The following ASPH variants were observed in gnomAD, a reference collection of about 807,000 sequenced individuals.
The protein encoded by ASPH is aspartyl/asparaginyl beta-hydroxylase.
ASPH carries 100 observed loss-of-function variants against 118.4 expected under a neutral mutation model. That is an observed-to-expected ratio of 0.84 (90% CI 0.72 to 1.00). ASPH has a LOEUF of 1.00. Among genes scored for constraint, ASPH ranks in the 50% least tolerant of loss-of-function variants. The pLI is 0.00. For synonymous variants in ASPH, 315 were observed against 325.6 expected (o/e 0.97, Z 0.35); for missense variants, 920 against 919.5 (o/e 1.00, Z -0.01).
At chr8:61,666,383 T>C (rs1819625889) in intron 3 of ASPH, among the ~76,000 whole-genome samples, 1 of 152,186 alleles carries the variant, frequency 6.6e-6, no homozygotes, top group Admixed American at 6.5e-5. Flanking sequence ...AATAAAGCAG[T>C]TAGCAAAAGC....
At chr8:61,689,893 C>T (rs1832121748) in intron 1 of ASPH, 1 of 1,279,502 alleles carries the variant, frequency 7.8e-7, no homozygotes, top group Non-Finnish European at 9.9e-7. Flanking sequence ...TTTTTAGAGG[C>T]TAAATGCTGC....
chr8:61,597,192 T>A (rs1842721259), intron 14 of ASPH, among the ~76,000 whole-genome samples: 3 of 97,606 alleles, frequency 3.1e-5, no homozygotes, highest in African/African-American at 3.5e-5. Context: ...AATAATCCAG[T>A]CAGGAAAAAA....
chr8:61,690,814 A>G (rs1225649295), intron 1 of ASPH, among the ~76,000 whole-genome samples: 1 of 152,222 alleles, frequency 6.6e-6, no homozygotes, highest in Non-Finnish European at 1.5e-5. Flanking sequence ...TTCTGGAAGA[A>G]AAAATGAAAT....
At chr8:61,556,718 T>C (rs553478773) in intron 18 of ASPH, among the ~76,000 whole-genome samples, 5 of 152,174 alleles carry the variant, frequency 3.3e-5, no homozygotes, top group Non-Finnish European at 7.3e-5. Flanking sequence ...AACAACAACA[T>C]TCAACTTGAA....
At chr8:61,630,214 T>C (rs185889712) in intron 13 of ASPH, among the ~76,000 whole-genome samples, 13 of 152,264 alleles carry the variant, frequency 8.5e-5, no homozygotes, top group African/African-American at 2.9e-4. Context: ...AAATCAATCG[T>C]CAATTAGGTT....
intron 13 of ASPH, chr8:61,624,970 TATA>T (rs1852223561): frequency 1.0e-6 from 1 of 985,296 alleles, no homozygotes; most frequent in South Asian, 4.7e-5. Flanking sequence ...CACTACATTG[TATA>T]ATAACTATGA....
At chr8:61,520,531 C>A (rs571290522) in intron 22 of ASPH, among the ~76,000 whole-genome samples, 4 of 152,248 alleles carry the variant, frequency 2.6e-5, no homozygotes, top group Admixed American at 6.5e-5. Context: ...TTCTAAGTAA[C>A]CTTTTTGGCT....
chr8:61,511,178 A>G (rs1267455328), intron 24 of ASPH, among the ~76,000 whole-genome samples: 2 of 152,224 alleles, frequency 1.3e-5, no homozygotes, highest in African/African-American at 4.8e-5. Flanking sequence ...GAAATGAATG[A>G]AAATATATGT....
chr8:61,655,140 G>C (rs2151169974), intron 3 of ASPH, among the ~76,000 whole-genome samples: 1 of 152,308 alleles, frequency 6.6e-6, no homozygotes, highest in East Asian at 1.9e-4. Flanking sequence ...TTGGCACATA[G>C]CAATTGCTCA....
intron 18 of ASPH, among the ~76,000 whole-genome samples, chr8:61,562,478 T>A (rs941453840): frequency 6.6e-6 from 1 of 151,604 alleles, no homozygotes; most frequent in Middle Eastern, 3.4e-3. Context: ...AGAAAGACTA[T>A]GTATGGAAAG....
Position 61,637,980 on chromosome 8 carries a change from T to C in ASPH, c.856A>G (p.Asn286Asp), listed in dbSNP as rs764777027. The C allele has an allele frequency of 3.0e-5, 49 of 1,610,488 alleles. No individual in the cohort carries two copies. The highest frequency in any genetic ancestry group is 3.8e-5 in the Non-Finnish European group (45 of 1,178,728). The change falls in exon 12 of 25, where the codon AAT becomes GAT. Residue 286 changes from asparagine (N) to aspartate (D), a missense_variant. By Grantham distance (23) the Asn-to-Asp change is conservative (BLOSUM62 1). Transcript: ENST00000379454. ...ATTACCTGTGAATCTTCTACAGGAT[T>C]ATCCTCAGGGGGAGCAGTTACTTCT... ...ITEVTAPPED[N>D]PVEDSQVIVE...
At chr8:61,540,375 T>G (rs950038363) in intron 21 of ASPH, among the ~76,000 whole-genome samples, 6 of 152,214 alleles carry the variant, frequency 3.9e-5, no homozygotes, top group Admixed American at 1.3e-4. Flanking sequence ...CTTGGAGATC[T>G]GGTCGTTTAC....
chr8:61,690,745 CT>C (rs1415224227), intron 1 of ASPH, among the ~76,000 whole-genome samples: 6 of 152,054 alleles, frequency 3.9e-5, no homozygotes, highest in Non-Finnish European at 7.4e-5. Context: ...AATTTAAAAG[CT>C]TTGAATACTA....
In ASPH at chr8:61,654,112, TAAAAAG is replaced by T. The variant is rs1339983137; in HGVS notation, c.323-458_323-453del. On this transcript the variant is annotated intron_variant, in intron 3 of 24. Transcript: ENST00000379454. ...TTATTTATTCTACTTGAAAAACAGT[TAAAAAG>T]AAAAAGAAATCATACATAACTATTT... is the stretch of plus-strand genomic sequence containing the variant. 6.6e-5 allele frequency among the ~76,000 whole-genome samples: 10 copies of T among 152,160 alleles called. 1 individual carries two copies. The highest frequency in any genetic ancestry group is 5.9e-4 in the Admixed American group (9 of 15,278).
chr8:61,671,125 T>C (rs1822288851), intron 3 of ASPH, among the ~76,000 whole-genome samples: 1 of 152,088 alleles, frequency 6.6e-6, no homozygotes, highest in Admixed American at 6.6e-5. Context: ...GGAAAAAATA[T>C]TAGTTTGCGG....
chr8:61,639,516 G>A (rs1267679460), intron 10 of ASPH, among the ~76,000 whole-genome samples: 1 of 151,982 alleles, frequency 6.6e-6, no homozygotes, highest in African/African-American at 2.4e-5. Context: ...TTGGTTTTTC[G>A]TTTCTCCCAC....
At chr8:61,536,820 T>C (rs1819787587) in intron 21 of ASPH, among the ~76,000 whole-genome samples, 1 of 152,146 alleles carries the variant, frequency 6.6e-6, no homozygotes, top group Non-Finnish European at 1.5e-5. Flanking sequence ...AGATAAGGGA[T>C]TGGTTTCCTG....
At position 61,500,656 on chromosome 8, in the gene ASPH, T is replaced by C. The variant is rs771491905; in HGVS notation, c.*2703A>G. 6.6e-5 allele frequency: 10 copies of C among 152,168 alleles called. No individual in the cohort carries two copies. Among genetic ancestry groups the C allele is most frequent in the African/African-American group, 1.4e-4 (6 of 41,444 alleles). 9.4% of individuals were successfully genotyped at this position (152,168 alleles called of 1,614,324 possible). A position where few individuals can be genotyped will look rare whatever the true frequency, so the allele number is the denominator to read the frequency against. ...AGACATAAAATAAACAGACATCATATATGATATCCTTACTTGTGCCATGTT... is the reference window on the plus strand; with the variant it reads ...AGACATAAAATAAACAGACATCATACATGATATCCTTACTTGTGCCATGTT... On this transcript the variant is annotated 3_prime_UTR_variant, in exon 25 of 25. Transcript: ENST00000379454.
Position 61,503,285 on chromosome 8 carries a change from A to G in ASPH, c.*74T>C. 5 of 1,490,916 alleles carry G rather than the reference A, an allele frequency of 3.4e-6. No individual in the cohort carries two copies. The highest frequency in any genetic ancestry group is 4.5e-6 in the Non-Finnish European group (5 of 1,113,152). 92.4% of individuals were successfully genotyped at this position (1,490,916 alleles called of 1,614,324 possible). ...ATTGACTCTTGGTGTTCGAAATTCTATCCTCACACCCAAGGAGATGGAACC... is the reference window on the plus strand; with the variant it reads ...ATTGACTCTTGGTGTTCGAAATTCTGTCCTCACACCCAAGGAGATGGAACC... On this transcript the variant is annotated 3_prime_UTR_variant, in exon 25 of 25. Transcript: ENST00000379454.
Sources: gnomAD v4.1 joint callset for allele counts (sites outside exome capture counted in the v4.1 genomes callset) on GRCh38, gnomAD v4.1.1 for gene constraint, MANE v1.5 for transcripts, NCBI Gene and HGNC (gene_info 2026-07-23, HGNC 2026-07-21) for gene names.